The following DROSHA variants were observed in gnomAD, a reference collection of about 807,000 sequenced individuals.
DROSHA encodes ribonuclease 3.
DROSHA carries 56 observed loss-of-function variants against 181.9 expected under a neutral mutation model. That is an observed-to-expected ratio of 0.31 (90% confidence interval 0.25 to 0.38). DROSHA has a LOEUF of 0.38. Among genes scored for constraint, DROSHA ranks in the 10% least tolerant of loss-of-function variants. The probability of loss-of-function intolerance (pLI) is 1.00; values close to 1 mark genes in which losing one functional copy is unlikely to be tolerated. For synonymous variants in DROSHA, 524 were observed against 591.2 expected (o/e 0.89, Z 1.65); for missense variants, 1,218 against 1,743.5 (o/e 0.70, Z 5.37).
intron 28 of DROSHA, 148 bp from the exon 29 acceptor site, chr5:31,423,092 A>C: frequency 1.5e-6 from 1 of 664,434 alleles, no homozygotes; most frequent in Non-Finnish European, 2.4e-6. Flanking sequence ...CTCGTTTCTC[A>C]TTTCTTTGAA....
At chr5:31,421,877 A>AAAG in intron 29 of DROSHA, 1 of 87,854 alleles carries the variant, frequency 1.1e-5, no homozygotes, top group African/African-American at 5.6e-5. Flanking sequence ...TCTACAAAAA[A>AAAG]AAAAAAAAAA....
chr5:31,472,683 A>C, intron 16 of DROSHA, among the ~76,000 whole-genome samples: 1 of 152,238 alleles, frequency 6.6e-6, no homozygotes, highest in Non-Finnish European at 1.5e-5. Flanking sequence ...TGAGATATTT[A>C]TGGATGTCTT....
At chr5:31,509,106 A>G (rs928800943) in intron 9 of DROSHA, among the ~76,000 whole-genome samples, 3 of 152,172 alleles carry the variant, frequency 2.0e-5, no homozygotes, top group Non-Finnish European at 2.9e-5. Context: ...TATAGGCATG[A>G]GCCACCGCAC....
intron 16 of DROSHA, among the ~76,000 whole-genome samples, chr5:31,479,047 T>C (rs1447086152): frequency 1.3e-5 from 2 of 152,082 alleles, no homozygotes; most frequent in East Asian, 3.8e-4. Context: ...AACAAATTAA[T>C]GTCCATCCAT....
At chr5:31,432,477 A>C (rs1276928637) in intron 25 of DROSHA, among the ~76,000 whole-genome samples, 2 of 152,102 alleles carry the variant, frequency 1.3e-5, no homozygotes, top group Non-Finnish European at 2.9e-5. Flanking sequence ...CCCTCAGAAG[A>C]CTTCAAAATG....
intron 30 of DROSHA, among the ~76,000 whole-genome samples, chr5:31,417,210 C>T (rs1196361619): frequency 1.3e-5 from 2 of 152,192 alleles, no homozygotes; most frequent in Non-Finnish European, 2.9e-5. Context: ...GAGAACAATA[C>T]TGCAGCCAGA....
intron 16 of DROSHA, among the ~76,000 whole-genome samples, chr5:31,476,481 A>G (rs1481841157): frequency 6.6e-6 from 1 of 152,228 alleles, no homozygotes; most frequent in African/African-American, 2.4e-5. Context: ...GCATAGAAAC[A>G]AGACATAATT....
intron 8 of DROSHA, 94 bp from the exon 9 acceptor site, chr5:31,511,270 C>G (rs896772710): frequency 2.5e-6 from 3 of 1,183,978 alleles, no homozygotes; most frequent in Non-Finnish European, 3.5e-6. Flanking sequence ...GCATTTTTAA[C>G]AGCAAGATGC....
rs377397902 is a variant in DROSHA at position 31,437,302 on chromosome 5, C to T, written c.2883-4G>A. 104 of 1,567,894 alleles carry T rather than the reference C, an allele frequency of 6.6e-5. No individual in the cohort carries two copies. In the African/African-American group the frequency reaches 1.4e-3, roughly 21 times the overall value. ...CAACCGTTCATTGTGGTTAATCCTA[C>T]AATAGGAATTAAAAAGGTTACTTAA... On this transcript the variant is annotated splice_region_variant and splice_polypyrimidine_tract_variant and intron_variant, in intron 23 of 35. Coordinates refer to ENST00000344624, the MANE Select transcript of DROSHA (RefSeq NM_001382508.1).
At chr5:31,509,132 GT>G (rs1254357598) in intron 9 of DROSHA, among the ~76,000 whole-genome samples, 1 of 151,986 alleles carries the variant, frequency 6.6e-6, no homozygotes, top group African/African-American at 2.4e-5. Flanking sequence ...TGACAAACTG[GT>G]TTTTGTGGAG....
chr5:31,476,895 T>C (rs1750435163), intron 16 of DROSHA, among the ~76,000 whole-genome samples: 1 of 152,236 alleles, frequency 6.6e-6, no homozygotes, highest in South Asian at 2.1e-4. Context: ...ATGAATTCAC[T>C]AATGTTAATG....
intron 5 of DROSHA, among the ~76,000 whole-genome samples, chr5:31,522,979 T>C (rs868167810): frequency 6.6e-6 from 1 of 152,136 alleles, no homozygotes; most frequent in Non-Finnish European, 1.5e-5. Context: ...CAGAGAAAAA[T>C]AGGGAACACA....
intron 35 of DROSHA, among the ~76,000 whole-genome samples, chr5:31,404,936 C>T (rs1226163768): frequency 6.6e-6 from 1 of 152,030 alleles, no homozygotes; most frequent in Admixed American, 6.6e-5. Context: ...GCTCATGATA[C>T]ATTATTGAGC....
intron 30 of DROSHA, among the ~76,000 whole-genome samples, chr5:31,417,880 G>C: frequency 6.6e-6 from 1 of 152,110 alleles, no homozygotes; most frequent in Non-Finnish European, 1.5e-5. Context: ...TTGGGCAGGG[G>C]CATGAGTTGA....
In DROSHA at chr5:31,449,425, AT is replaced by A; in HGVS notation, c.2683-7del. ...CTTGGATGAGTCATGGCCAGCTAAA[AT>A]TTCAATGAAATAAGTTCAGTCTTTA... On this transcript the variant is annotated splice_polypyrimidine_tract_variant and splice_region_variant and intron_variant, in intron 21 of 35. Transcript: ENST00000344624. The A allele has an allele frequency of 6.4e-7, 1 of 1,558,946 alleles. No homozygotes were observed. The highest frequency in any genetic ancestry group is 8.7e-7 in the Non-Finnish European group (1 of 1,151,050).
intron 9 of DROSHA, 94 bp downstream of exon 9, chr5:31,510,941 A>G: frequency 6.9e-7 from 1 of 1,446,218 alleles, no homozygotes; most frequent in Non-Finnish European, 9.4e-7. Context: ...AAAAGAAGAA[A>G]TCTCAATGTG....
chr5:31,429,395 T>A, intron 27 of DROSHA, 80 bp downstream of exon 27: 1 of 1,363,518 alleles, frequency 7.3e-7, no homozygotes, highest in Non-Finnish European at 1.0e-6. Flanking sequence ...TATATTCTCT[T>A]CAAATTACAA....
rs1738436830 is a variant in DROSHA, at chr5:31,509,697, TCAA to T, written c.1433-925_1433-923del. Among the ~76,000 whole-genome samples, 4 of 152,302 alleles carry T rather than the reference TCAA, an allele frequency of 2.6e-5. No individual in the cohort carries two copies. The East Asian group carries it at 5.8e-4, about 22-fold the overall frequency. ...CCAAAGACTTGACATTTCTTTTCCC[TCAA>T]TAACAGCAAGAGAAGGTGTTAGTCC... On this transcript the variant is annotated intron_variant, in intron 9 of 35. Coordinates refer to ENST00000344624, the MANE Select transcript of DROSHA (RefSeq NM_001382508.1).
At position 31,499,041 on chromosome 5, in the gene DROSHA, T is replaced by C. The variant is rs1753307999; in HGVS notation, c.1669-3669A>G. On this transcript the variant is annotated intron_variant, in intron 11 of 35. Transcript: ENST00000344624. ...GCACAGACAGCAAGGAGCTTCCAGC[T>C]ATAAGCTCCTTCAGGATCTCTCTCC... Among the ~76,000 whole-genome samples, 3 of 152,270 alleles carry C rather than the reference T, an allele frequency of 2.0e-5. No homozygotes were observed. The South Asian group carries it at 6.2e-4, about 32-fold the overall frequency.
Sources: gnomAD v4.1 joint callset for allele counts (sites outside exome capture counted in the v4.1 genomes callset) on GRCh38, gnomAD v4.1.1 for gene constraint, MANE v1.5 for transcripts, NCBI Gene and HGNC (gene_info 2026-07-23, HGNC 2026-07-21) for gene names.